Variants in TENM1 observed in about 807,000 individuals in gnomAD.
The protein encoded by TENM1 is teneurin-1.
A neutral mutation model predicts 174.8 loss-of-function variants in TENM1; 35 were observed. The ratio of observed to expected loss-of-function variants is 0.20; its 90% CI spans 0.15 to 0.27. The LOEUF is 0.27. Among genes scored for constraint, TENM1 ranks in the 10% least tolerant of loss-of-function variants. TENM1 has a pLI of 1.00. For synonymous variants in TENM1, 781 were observed against 798.7 expected (o/e 0.98, Z 0.37); for missense variants, 1,633 against 2,130.1 (o/e 0.77, Z 4.59).
At chrX:125,018,957 C>T in the TENM1 span, among the ~76,000 whole-genome samples, 1 of 111,755 alleles carries the variant, frequency 8.9e-6, no homozygotes, top group African/African-American at 3.2e-5. Flanking sequence ...GAGCTGTGTG[C>T]TTCTCATAAA....
At chrX:124,670,356 G>T (rs779240480) in intron 6 of TENM1, among the ~76,000 whole-genome samples, 1 of 111,031 alleles carries the variant, frequency 9.0e-6, no homozygotes, top group South Asian at 3.8e-4. Flanking sequence ...GATATAAGGG[G>T]ATAAAACAGC....
chrX:124,575,865 T>C (rs1353394488), intron 11 of TENM1, among the ~76,000 whole-genome samples: 3 of 111,935 alleles, frequency 2.7e-5, no homozygotes, highest in African/African-American at 9.7e-5. Context: ...CTATTGAAGA[T>C]GAGGTGAACT....
At chrX:124,804,232 C>T (rs2055532368) in intron 3 of TENM1, among the ~76,000 whole-genome samples, 1 of 111,561 alleles carries the variant, frequency 9.0e-6, no homozygotes, top group African/African-American at 3.3e-5. Flanking sequence ...GCATATTTCA[C>T]CATTCTCAAA....
the TENM1 span, among the ~76,000 whole-genome samples, chrX:125,110,474 C>T: frequency 9.0e-6 from 1 of 110,750 alleles, no homozygotes; most frequent in Non-Finnish European, 1.9e-5. Flanking sequence ...CAGGCTATTC[C>T]ACTGGAGAGT....
chrX:124,384,891 C>T (rs2060201077), intron 29 of TENM1, 37 bp from the exon 33 acceptor site: 6 of 1,156,043 alleles, frequency 5.2e-6, no homozygotes, highest in East Asian at 3.0e-5. Context: ...AGAAGCTAGG[C>T]GATCAATGTG....
chrX:124,572,154 T>C (rs1664417076), intron 11 of TENM1, among the ~76,000 whole-genome samples: 1 of 110,127 alleles, frequency 9.1e-6, no homozygotes, highest in African/African-American at 3.3e-5. Context: ...TTCAAGAAAA[T>C]ATCTGGTAAT....
chrX:124,691,792 GTTTTC>G (rs1222416539), intron 5 of TENM1, among the ~76,000 whole-genome samples: 1 of 109,734 alleles, frequency 9.1e-6, no homozygotes, highest in African/African-American at 3.3e-5. Flanking sequence ...CCTTTCTTGT[GTTTTC>G]TTTTTATTGA....
At chrX:125,004,495 A>G in the TENM1 span, among the ~76,000 whole-genome samples, 2 of 112,154 alleles carry the variant, frequency 1.8e-5, no homozygotes, top group Admixed American at 1.9e-4. Context: ...CAAAATAATC[A>G]TGCTTCTTTG....
chrX:125,064,023 A>C, the TENM1 span, among the ~76,000 whole-genome samples: 1 of 110,981 alleles, frequency 9.0e-6, no homozygotes, highest in Non-Finnish European at 1.9e-5. Context: ...GCATGGATGA[A>C]GCTGGAAACC....
intron 1 of TENM1, among the ~76,000 whole-genome samples, chrX:124,934,129 T>A (rs779763424): frequency 1.8e-5 from 2 of 112,320 alleles, no homozygotes; most frequent in East Asian, 5.6e-4. Context: ...GTTAATTTTG[T>A]TTAACAATAT....
intron 16 of TENM1, among the ~76,000 whole-genome samples, chrX:124,524,208 C>CA (rs1310309982): frequency 2.7e-5 from 3 of 111,595 alleles, no homozygotes; most frequent in African/African-American, 9.8e-5. Flanking sequence ...CTATCTTAAA[C>CA]AAAAATCACT....
At chrX:124,836,187 A>G (rs1381961532) in intron 3 of TENM1, among the ~76,000 whole-genome samples, 1 of 111,727 alleles carries the variant, frequency 9.0e-6, no homozygotes, top group Non-Finnish European at 1.9e-5. Flanking sequence ...ATATGCATGG[A>G]TGAGAAATAT....
the TENM1 span, among the ~76,000 whole-genome samples, chrX:124,991,072 A>G: frequency 1.8e-5 from 2 of 111,801 alleles, no homozygotes; most frequent in Admixed American, 9.5e-5. Flanking sequence ...GACTGAAGCC[A>G]TATGATTGTG....
the TENM1 span, among the ~76,000 whole-genome samples, chrX:124,996,122 A>C: frequency 1.8e-4 from 20 of 111,619 alleles, no homozygotes; most frequent in Non-Finnish European, 3.4e-4. Flanking sequence ...TTTAATAGTG[A>C]AATCTGAGAA....
intron 6 of TENM1, among the ~76,000 whole-genome samples, chrX:124,656,861 C>T: frequency 9.0e-6 from 1 of 110,978 alleles, no homozygotes; most frequent in South Asian, 3.8e-4. Context: ...TGCCTATAAT[C>T]CTAGCACTTC....
At chrX:124,697,971 T>A (rs866580184) in intron 5 of TENM1, among the ~76,000 whole-genome samples, 2 of 111,535 alleles carry the variant, frequency 1.8e-5, no homozygotes, top group South Asian at 7.4e-4. Flanking sequence ...ATGAAAATAG[T>A]TTTACTTTAT....
intron 22 of TENM1, among the ~76,000 whole-genome samples, chrX:124,456,840 T>G (rs771836033): frequency 8.9e-6 from 1 of 111,889 alleles, no homozygotes; most frequent in Non-Finnish European, 1.9e-5. Flanking sequence ...GTAACCAATG[T>G]TGTGGGCAAA....
chrX:124,666,030 A>C (rs2051752060), intron 6 of TENM1, among the ~76,000 whole-genome samples: 1 of 111,844 alleles, frequency 8.9e-6, no homozygotes, highest in South Asian at 3.8e-4. Flanking sequence ...TCTTGGCTAA[A>C]GCATCTTCAT....
chrX:124,508,959 T>C (rs778626062), intron 18 of TENM1, among the ~76,000 whole-genome samples: 6 of 111,611 alleles, frequency 5.4e-5, no homozygotes, highest in Admixed American at 1.9e-4. Flanking sequence ...TGGGTACCTC[T>C]TGTTGACAGG....
Sources: allele counts gnomAD v4.1 joint callset (sites outside exome capture counted in the v4.1 genomes callset), GRCh38; gene constraint gnomAD v4.1.1; transcripts MANE v1.5; gene names NCBI Gene and HGNC (gene_info 2026-07-23, HGNC 2026-07-21).